Variants in PCDHGB4 observed in about 807,000 individuals in gnomAD.
The protein encoded by PCDHGB4 is protocadherin gamma subfamily B, 4.
PCDHGB4 carries 38 observed loss-of-function variants against 60.5 expected under a neutral mutation model. The ratio of observed to expected loss-of-function variants is 0.63; its 90% confidence interval spans 0.48 to 0.82. The LOEUF is 0.82. Ranked by LOEUF, PCDHGB4 falls within the 40% of genes least tolerant of loss-of-function variation. The pLI is 0.00. For missense variants in PCDHGB4, 1,109 were observed against 1,209.6 expected (o/e 0.92, Z 1.23); for synonymous variants, 456 against 509.7 (o/e 0.89, Z 1.42).
chr5:141,390,477 C>T (rs2150421205), intron 1 of PCDHGB4, 196 bp downstream of exon 1: 3 of 678,620 alleles, frequency 4.4e-6, no homozygotes, highest in South Asian at 2.0e-5. Flanking sequence ...TGTGGCCCAA[C>T]ATTTGTTTGT....
chr5:141,439,531 G>T (rs1474855779), intron 1 of PCDHGB4, among the ~76,000 whole-genome samples: 1 of 152,126 alleles, frequency 6.6e-6, no homozygotes, highest in Non-Finnish European at 1.5e-5. Context: ...TCTACAGAAC[G>T]CTGTCCTCTC....
chr5:141,405,364 C>G, intron 1 of PCDHGB4: 1 of 1,613,548 alleles, frequency 6.2e-7, no homozygotes, highest in Non-Finnish European at 8.5e-7. Context: ...TAGAAGACAC[C>G]CCTTTGGTTC....
rs1342481070 is a variant in PCDHGB4 at position 141,485,056 on chromosome 5, C to T, written c.2398-9751C>T. 8 of 840,338 alleles carry T rather than the reference C, an allele frequency of 9.5e-6. No homozygotes were observed. The Admixed American group carries it at 1.9e-4, about 20-fold the overall frequency. 52.1% of individuals were successfully genotyped at this position (840,338 alleles called of 1,614,324 possible). A position where few individuals can be genotyped will look rare whatever the true frequency, so the allele number is the denominator to read the frequency against. The stretch of plus-strand genomic sequence containing the variant: ...CGTAACCCTTGCGGCGCCGGCCGAA[C>T]CGCGCCAGAGCTGGCGCGGGGAAAG... On this transcript the variant is annotated intron_variant, in intron 1 of 3. Transcript: ENST00000519479. The surrounding 1 kb of genome is among the most constrained non-coding windows in gnomAD (Gnocchi z 5.7).
intron 1 of PCDHGB4, among the ~76,000 whole-genome samples, chr5:141,461,733 C>G (rs930217307): frequency 2.0e-5 from 3 of 152,168 alleles, no homozygotes; most frequent in African/African-American, 2.4e-5. Context: ...TGCAGTGGCA[C>G]AATCCCGGCT....
Position 141,487,650 on chromosome 5 carries a change from G to T in PCDHGB4, c.2398-7157G>T, listed in dbSNP as rs772715932. The T allele has an allele frequency of 6.8e-6, 11 of 1,613,876 alleles. No individual in the cohort carries two copies. Among genetic ancestry groups the T allele is most frequent in the Admixed American group, 1.7e-5 (1 of 59,978 alleles). On this transcript the variant is annotated intron_variant, in intron 1 of 3. Coordinates refer to ENST00000519479, the MANE Select transcript of PCDHGB4 (RefSeq NM_003736.4). This position sits in a 1 kb window ranked among gnomAD's most constrained non-coding sequence, Gnocchi z 5.0. ...TTGCAGGCTCAACAAATGCTTGAGG[G>T]TTATTCTGATCCAGGCATATGGCTA...
intron 1 of PCDHGB4, chr5:141,418,454 A>G (rs1211470387): frequency 3.1e-6 from 5 of 1,613,774 alleles, no homozygotes; most frequent in Non-Finnish European, 3.4e-6. Flanking sequence ...ATTGCAGAAG[A>G]CTCTGGACCG....
chr5:141,409,872 A>G (rs1283725014), intron 1 of PCDHGB4: 1 of 1,612,710 alleles, frequency 6.2e-7, no homozygotes, highest in Non-Finnish European at 8.5e-7. Flanking sequence ...GACCGCAATG[A>G]CAACGCACCG....
chr5:141,457,902 G>A (rs1219261409), intron 1 of PCDHGB4, among the ~76,000 whole-genome samples: 1 of 150,854 alleles, frequency 6.6e-6, no homozygotes, highest in Non-Finnish European at 1.5e-5. Flanking sequence ...GTGTAGACAA[G>A]GTGTGAGGCC....
intron 2 of PCDHGB4, among the ~76,000 whole-genome samples, chr5:141,497,706 A>G (rs2099778850): frequency 6.6e-6 from 1 of 151,956 alleles, no homozygotes; most frequent in Middle Eastern, 3.2e-3. Flanking sequence ...CACCCAGCTC[A>G]TTTTTGTATT....
rs575856599 is a variant in PCDHGB4 at position 141,399,712 on chromosome 5, C to T, written c.2397+9431C>T. ...GCTGCGCACCTTCGAACTCACACTA[C>T]AGGCCCGCGACCAGGGCTCGCCTGC... On this transcript the variant is annotated intron_variant, in intron 1 of 3. Transcript: ENST00000519479. The T allele has an allele frequency of 7.4e-6, 12 of 1,613,378 alleles. No individual in the cohort carries two copies. In the East Asian group the frequency reaches 2.2e-4, roughly 30 times the overall value.
At chr5:141,450,626 A>G (rs1474729472) in intron 1 of PCDHGB4, among the ~76,000 whole-genome samples, 1 of 151,438 alleles carries the variant, frequency 6.6e-6, no homozygotes, top group East Asian at 2.0e-4. Context: ...AGCTGGGATT[A>G]CAGATGCCTG....
chr5:141,419,681 G>T (rs377117997), intron 1 of PCDHGB4: 89 of 1,612,904 alleles, frequency 5.5e-5, no homozygotes, highest in Non-Finnish European at 7.0e-5. Flanking sequence ...GTCCTACCAC[G>T]TGGTGCAGGC....
Position 141,490,293 on chromosome 5 carries a change from A to G in PCDHGB4, c.2398-4514A>G, listed in dbSNP as rs1316965652. On this transcript the variant is annotated intron_variant, in intron 1 of 3. Transcript: ENST00000519479. The surrounding 1 kb of genome is among the most constrained non-coding windows in gnomAD (Gnocchi z 5.4). ...TCAATGACAATGCCCCAGAGGTGCTATTGGCCTCTTTGGCCAACCCTGTCC... is the reference window on the plus strand; with the variant it reads ...TCAATGACAATGCCCCAGAGGTGCTGTTGGCCTCTTTGGCCAACCCTGTCC... The G allele has an allele frequency of 1.2e-6, 2 of 1,614,190 alleles. No individual in the cohort carries two copies. The highest frequency in any genetic ancestry group is 8.5e-7 in the Non-Finnish European group (1 of 1,180,028).
Position 141,489,652 on chromosome 5 carries a change from C to T in PCDHGB4, c.2398-5155C>T, listed in dbSNP as rs767143028. The T allele has an allele frequency of 3.1e-6, 5 of 1,614,024 alleles. No individual in the cohort carries two copies. Among genetic ancestry groups the T allele is most frequent in the Non-Finnish European group, 4.2e-6 (5 of 1,180,026 alleles). ...CTCTCCTAGCTTTGCCACCCCTGAG[C>T]GAGAGATGCGCATCTCAGAATCAGC... On this transcript the variant is annotated intron_variant, in intron 1 of 3. Coordinates refer to ENST00000519479, the MANE Select transcript of PCDHGB4 (RefSeq NM_003736.4). The surrounding 1 kb of genome is among the most constrained non-coding windows in gnomAD (Gnocchi z 4.5).
chr5:141,474,837 C>T (rs1250443544), intron 1 of PCDHGB4, among the ~76,000 whole-genome samples: 2 of 152,214 alleles, frequency 1.3e-5, no homozygotes, highest in Admixed American at 6.5e-5. Flanking sequence ...CTGTGCCAGG[C>T]ACTTTACCTG....
intron 1 of PCDHGB4, chr5:141,415,098 G>T (rs578221269): frequency 1.9e-5 from 31 of 1,613,588 alleles, no homozygotes; most frequent in African/African-American, 1.7e-4. Flanking sequence ...ACAGAGACGC[G>T]CTCAAGCAAA....
At position 141,511,216 on chromosome 5, in the gene PCDHGB4, C is replaced by G. The variant is rs374915167; in HGVS notation, c.*43C>G. Reference sequence around the variant, plus strand: ...GAGCCACAGGGCGGCCTCTCCCCAACCAGCCCAGCTTCTCCTTACCTGCAC... The same window carrying G: ...GAGCCACAGGGCGGCCTCTCCCCAAGCAGCCCAGCTTCTCCTTACCTGCAC... On this transcript the variant is annotated 3_prime_UTR_variant, in exon 4 of 4. Coordinates refer to ENST00000519479, the MANE Select transcript of PCDHGB4 (RefSeq NM_003736.4). 4.2e-5 allele frequency: 68 copies of G among 1,608,004 alleles called. No individual in the cohort carries two copies. The highest frequency in any genetic ancestry group is 6.7e-5 in the East Asian group (3 of 44,538).
chr5:141,451,812 C>G (rs974567828), intron 1 of PCDHGB4, among the ~76,000 whole-genome samples: 1 of 149,686 alleles, frequency 6.7e-6, no homozygotes, highest in Non-Finnish European at 1.5e-5. Flanking sequence ...ACCCAGGAGG[C>G]GGAGGTTACA....
At chr5:141,441,763 G>A in intron 1 of PCDHGB4, 1 of 384,020 alleles carries the variant, frequency 2.6e-6, no homozygotes, top group Non-Finnish European at 5.2e-6. Flanking sequence ...GTGAGCCTGC[G>A]CGTGTTGGTG....
Sources: gnomAD v4.1 joint callset for allele counts (sites outside exome capture counted in the v4.1 genomes callset) on GRCh38, gnomAD v4.1.1 for gene constraint, Gnocchi (gnomAD v3.1) non-coding constraint, MANE v1.5 for transcripts, NCBI Gene and HGNC (gene_info 2026-07-23, HGNC 2026-07-21) for gene names.